The following SCN11A variants were observed in gnomAD, a reference collection of about 807,000 sequenced individuals.
SCN11A encodes the protein sodium voltage-gated channel alpha subunit 11.
SCN11A carries 122 observed loss-of-function variants against 162.2 expected under a neutral mutation model. That is an observed-to-expected ratio of 0.75 (90% CI 0.65 to 0.87). The LOEUF (loss-of-function observed/expected upper bound fraction) is 0.87, where lower values mean the gene tolerates loss of function less well. Among genes scored for constraint, SCN11A ranks in the 40% least tolerant of loss-of-function variants. SCN11A has a pLI of 0.00. For synonymous variants in SCN11A, 758 were observed against 751.5 expected, an observed-to-expected ratio of 1.01 and a Z score of -0.14; for missense variants, 2,015 against 2,181.6, an observed-to-expected ratio of 0.92 and a Z score of 1.52.
intron 1 of SCN11A, among the ~76,000 whole-genome samples, chr3:39,051,073 T>G (rs1311977269): frequency 1.3e-5 from 2 of 152,132 alleles, no homozygotes; most frequent in Non-Finnish European, 2.9e-5. Flanking sequence ...TGGGAACAAT[T>G]TTAGCTGGTG....
rs149699837 is a variant in SCN11A at position 38,850,499 on chromosome 3, C to G, written c.4309G>C (p.Val1437Leu). 2.7e-5 allele frequency: 44 copies of G among 1,613,224 alleles called. No homozygotes were observed. In the Admixed American group the frequency reaches 3.3e-4, roughly 12 times the overall value. ...TACTTACTAACAATGGAAAGAAGCACGACCACACAGTCAAATAAATTCCAG... is the reference window on the plus strand; with the variant it reads ...TACTTACTAACAATGGAAAGAAGCAGGACCACACAGTCAAATAAATTCCAG... ...NGWNLFDCVVVLLSIVSTMIS... is the reference protein window; with the variant it reads ...NGWNLFDCVVLLLSIVSTMIS... The change falls in exon 29 of 30, where the codon GTG becomes CTG. Residue 1437 changes from valine (V) to leucine (L), a missense_variant. Coordinates refer to ENST00000302328, the MANE Select transcript of SCN11A (RefSeq NM_001349253.2).
chr3:38,977,842 T>C (rs555069035), intron 2 of SCN11A, among the ~76,000 whole-genome samples: 1 of 152,318 alleles, frequency 6.6e-6, no homozygotes, highest in African/African-American at 2.4e-5. Flanking sequence ...CAAGTTTACC[T>C]CCTCCATGGA....
intron 2 of SCN11A, among the ~76,000 whole-genome samples, chr3:38,969,891 C>T (rs2066806080): frequency 6.6e-6 from 1 of 152,212 alleles, no homozygotes; most frequent in Non-Finnish European, 1.5e-5. Flanking sequence ...ATTGAGAACA[C>T]AAACCCCCCA....
chr3:38,865,113 G>A (rs1443145697), intron 27 of SCN11A, among the ~76,000 whole-genome samples: 1 of 152,174 alleles, frequency 6.6e-6, no homozygotes, highest in African/African-American at 2.4e-5. Context: ...TGGCAGAGTT[G>A]AGTAAGGGCG....
intron 7 of SCN11A, among the ~76,000 whole-genome samples, chr3:38,943,196 G>A (rs1413512471): frequency 1.3e-5 from 2 of 152,084 alleles, no homozygotes; most frequent in Non-Finnish European, 2.9e-5. Context: ...TATGCTAAAT[G>A]AAAGAAACCA....
intron 28 of SCN11A, among the ~76,000 whole-genome samples, chr3:38,860,208 C>A (rs951448946): frequency 6.6e-6 from 1 of 152,080 alleles, no homozygotes; most frequent in Non-Finnish European, 1.5e-5. Context: ...CCTGAATGCT[C>A]GGGGAGACTG....
At chr3:38,981,537 T>TGTG in intron 2 of SCN11A, among the ~76,000 whole-genome samples, 1 of 145,974 alleles carries the variant, frequency 6.9e-6, no homozygotes, top group South Asian at 2.2e-4. Flanking sequence ...GTGTGTGTGT[T>TGTG]TGTGTGTGTG....
intron 16 of SCN11A, 80 bp from the exon 17 acceptor site, chr3:38,900,153 G>A: frequency 1.8e-6 from 2 of 1,084,396 alleles, no homozygotes; most frequent in Non-Finnish European, 2.7e-6. Flanking sequence ...AAGTACAGAG[G>A]TTACAATGAA....
chr3:39,002,231 C>T (rs2030837045), intron 2 of SCN11A, among the ~76,000 whole-genome samples: 1 of 152,078 alleles, frequency 6.6e-6, no homozygotes, highest in Non-Finnish European at 1.5e-5. Context: ...TGAAATTTGG[C>T]CAGTGATTCC....
intron 24 of SCN11A, 33 bp downstream of exon 24, chr3:38,872,160 C>A: frequency 8.0e-7 from 1 of 1,246,448 alleles, no homozygotes; most frequent in East Asian, 2.3e-5. Context: ...TCTCTGTTAA[C>A]TGAACTTCTA....
At chr3:38,914,304 T>A (rs749113594) in intron 11 of SCN11A, among the ~76,000 whole-genome samples, 1 of 152,080 alleles carries the variant, frequency 6.6e-6, no homozygotes, top group Non-Finnish European at 1.5e-5. Flanking sequence ...GCTGTTGGTA[T>A]ACAGGAATGC....
At chr3:39,033,955 G>A (rs906338730) in intron 1 of SCN11A, among the ~76,000 whole-genome samples, 7 of 152,096 alleles carry the variant, frequency 4.6e-5, no homozygotes, top group African/African-American at 1.7e-4. Context: ...ACAAGGTCAG[G>A]AGTTCGAGAC....
intron 2 of SCN11A, among the ~76,000 whole-genome samples, chr3:39,015,284 T>A (rs2031259879): frequency 1.3e-5 from 2 of 152,186 alleles, no homozygotes; most frequent in South Asian, 4.1e-4. Context: ...AGCCTCTTGA[T>A]CTTGGACTTT....
In SCN11A at chr3:38,945,127, G is replaced by A. The variant is rs1024894847; in HGVS notation, c.488+284C>T. Among the ~76,000 whole-genome samples the A allele has an allele frequency of 2.0e-5, 3 of 152,126 alleles. No homozygotes were observed. In the East Asian group the frequency reaches 5.8e-4, roughly 29 times the overall value. On this transcript the variant is annotated intron_variant, in intron 7 of 29. Transcript: ENST00000302328. ...TACAATCTACTAAAATGCTAGAGTG[G>A]TGAAGTACATTATGGTTTATTCACC...
chr3:39,050,055 C>T (rs2032285876), intron 1 of SCN11A, among the ~76,000 whole-genome samples: 1 of 152,190 alleles, frequency 6.6e-6, no homozygotes, highest in Non-Finnish European at 1.5e-5. Context: ...ATCATAGGTG[C>T]TCAATAGACA....
intron 7 of SCN11A, among the ~76,000 whole-genome samples, chr3:38,943,855 A>C (rs2066476489): frequency 6.6e-6 from 1 of 152,200 alleles, no homozygotes; most frequent in Non-Finnish European, 1.5e-5. Context: ...TTGATTAATG[A>C]GTACAAAAAA....
intron 7 of SCN11A, 109 bp downstream of exon 7, chr3:38,945,302 T>C (rs536163253): frequency 2.5e-4 from 169 of 667,698 alleles, no homozygotes; most frequent in Non-Finnish European, 3.9e-4. Flanking sequence ...TGCCAACATA[T>C]GTGTTAGAAT....
In SCN11A at chr3:38,896,908, C is replaced by T. The variant is rs779486096; in HGVS notation, c.2340G>A (p.Ala780=). Residue 780 remains alanine (A), a synonymous_variant, in exon 18 of 30, where the codon GCG becomes GCA. Coordinates refer to ENST00000302328, the MANE Select transcript of SCN11A (RefSeq NM_001349253.2). Reference sequence around the variant, plus strand: ...TAACACACAATGATGATGATGCATTCGCTTCTTGCATACATTCCCACATAT... The same window carrying T: ...TAACACACAATGATGATGATGCATTTGCTTCTTGCATACATTCCCACATAT... ...IENMWECMQE[A]NASSSLCVIV... is the part of the protein sequence containing the mutation. 18 of 1,612,140 alleles carry T rather than the reference C, an allele frequency of 1.1e-5. No homozygotes were observed. In the East Asian group the frequency reaches 1.3e-4, roughly 12 times the overall value.
intron 7 of SCN11A, among the ~76,000 whole-genome samples, chr3:38,930,204 C>T (rs970152343): frequency 4.6e-5 from 7 of 152,110 alleles, no homozygotes; most frequent in African/African-American, 1.7e-4. Context: ...GTAAACTATC[C>T]AGTCATAATA....
Sources: allele counts gnomAD v4.1 joint callset (sites outside exome capture counted in the v4.1 genomes callset), GRCh38; gene constraint gnomAD v4.1.1; transcripts MANE v1.5; gene names NCBI Gene and HGNC (gene_info 2026-07-23, HGNC 2026-07-21).